FOXP1: variants seen among roughly 807,000 people sequenced by gnomAD.
FOXP1 encodes the protein forkhead box protein P1.
In FOXP1, 15 loss-of-function variants were observed where a neutral mutation model predicts 98.2. The observed-to-expected ratio is 0.15, with a 90% CI of 0.10 to 0.24. The LOEUF is 0.24. Ranked by LOEUF, FOXP1 falls within the 10% of genes least tolerant of loss-of-function variation. The pLI, the probability that FOXP1 is intolerant of heterozygous loss-of-function variation, is 1.00. For missense variants in FOXP1, 633 were observed against 848.5 expected, an observed-to-expected ratio of 0.75 and a Z score of 3.15; for synonymous variants, 371 against 314.5, an observed-to-expected ratio of 1.18 and a Z score of -1.90.
chr3:71,139,738 G>T (rs1469556595), intron 6 of FOXP1, among the ~76,000 whole-genome samples: 1 of 152,198 alleles, frequency 6.6e-6, no homozygotes, highest in Non-Finnish European at 1.5e-5. Context: ...CAACCAAGTG[G>T]AGACAGGGCT....
chr3:71,532,271 AT>A (rs2043917349), intron 2 of FOXP1, among the ~76,000 whole-genome samples: 1 of 151,998 alleles, frequency 6.6e-6, no homozygotes, highest in Non-Finnish European at 1.5e-5. Context: ...AAATTTTTGT[AT>A]TTTTTGTAGA....
rs149064360 is a variant in FOXP1 at position 70,955,429 on chromosome 3, G to A, written c.*3818C>T. 1.3e-3 allele frequency: 298 copies of A among 232,872 alleles called. No homozygotes were observed. Among genetic ancestry groups the A allele is most frequent in the Non-Finnish European group, 1.4e-3 (166 of 117,850 alleles). 14.4% of individuals were successfully genotyped at this position (232,872 alleles called of 1,614,324 possible). On this transcript the variant is annotated 3_prime_UTR_variant, in exon 21 of 21. Transcript: ENST00000649528. The stretch of plus-strand genomic sequence containing the variant: ...AGGGGCAGCCTAACTCATCTTACAA[G>A]ACGGACTCTAGGGACAGGTAGGTTG...
At chr3:71,544,774 T>C (rs1287180943) in intron 2 of FOXP1, among the ~76,000 whole-genome samples, 9 of 152,070 alleles carry the variant, frequency 5.9e-5, no homozygotes, top group African/African-American at 1.2e-4. Context: ...TGTTGTAAGT[T>C]ACCATATGAT....
Position 71,166,284 on chromosome 3 carries a change from T to TG in FOXP1, c.180+31917dup, listed in dbSNP as rs529959549. ...AGTACATGAGAGGAACACAAGCAAG[T>TG]GGGGGGTGACAAGAGCCGCTAGCGT... On this transcript the variant is annotated intron_variant, in intron 6 of 20. Transcript: ENST00000649528. 7.9e-5 allele frequency among the ~76,000 whole-genome samples: 12 copies of TG among 152,140 alleles called. No homozygotes were observed. The South Asian group carries it at 1.5e-3, about 18-fold the overall frequency.
chr3:71,093,021 G>A (rs917330388), intron 7 of FOXP1, among the ~76,000 whole-genome samples: 1 of 152,164 alleles, frequency 6.6e-6, no homozygotes, highest in Non-Finnish European at 1.5e-5. Flanking sequence ...AGCCCTTTGG[G>A]AGGCCAAGGC....
At position 71,216,029 on chromosome 3, in the gene FOXP1, A is replaced by G. The variant is rs186431131; in HGVS notation, c.-11-17637T>C. On this transcript the variant is annotated intron_variant, in intron 5 of 20. Transcript: ENST00000649528. The stretch of plus-strand genomic sequence containing the variant: ...GCATCCTGCACCTTATACTGTGGAT[A>G]CAAGTGGTTGATTATTAGTGCACCT... Among the ~76,000 whole-genome samples, 22 of 152,368 alleles carry G rather than the reference A, an allele frequency of 1.4e-4. No homozygotes were observed. In the East Asian group the frequency reaches 4.2e-3, roughly 29 times the overall value.
chr3:71,472,108 C>T (rs1048096064), intron 3 of FOXP1, among the ~76,000 whole-genome samples: 1 of 152,160 alleles, frequency 6.6e-6, no homozygotes, highest in African/African-American at 2.4e-5. Flanking sequence ...TTGTGTGCTT[C>T]ATTGCCTTTA....
At chr3:71,218,210 G>A (rs771945977) in intron 5 of FOXP1, among the ~76,000 whole-genome samples, 16 of 152,108 alleles carry the variant, frequency 1.1e-4, no homozygotes, top group Non-Finnish European at 1.9e-4. Context: ...CAAACTTTAG[G>A]AATTTAGAAT....
intron 5 of FOXP1, among the ~76,000 whole-genome samples, chr3:71,262,190 C>T (rs2686274): frequency 0.29 from 41,636 of 144,490 alleles, 6,428 homozygotes; most frequent in East Asian, 0.55. Context: ...TGCTTGAACC[C>T]AGGAGGTGGA....
chr3:71,476,509 G>A (rs756298283), intron 3 of FOXP1, among the ~76,000 whole-genome samples: 14 of 151,972 alleles, frequency 9.2e-5, no homozygotes, highest in African/African-American at 3.1e-4. Flanking sequence ...ATGAGTCCTC[G>A]GGTTATGGGT....
chr3:71,246,632 A>G (rs2067769574), intron 5 of FOXP1, among the ~76,000 whole-genome samples: 1 of 152,168 alleles, frequency 6.6e-6, no homozygotes, highest in South Asian at 2.1e-4. Context: ...ATGAAATTAA[A>G]TCTCCTATGC....
intron 4 of FOXP1, among the ~76,000 whole-genome samples, chr3:71,343,281 TA>T (rs2077118972): frequency 6.6e-6 from 1 of 152,224 alleles, no homozygotes; most frequent in Admixed American, 6.5e-5. Context: ...AAAGGAAATG[TA>T]ATTCAAAATT....
At chr3:70,981,374 A>G (rs1013726107) in intron 14 of FOXP1, among the ~76,000 whole-genome samples, 1 of 152,100 alleles carries the variant, frequency 6.6e-6, no homozygotes, top group Non-Finnish European at 1.5e-5. Context: ...GACAAATGAC[A>G]CCGTGATTCA....
At position 71,151,351 on chromosome 3, in the gene FOXP1, A is replaced by C. The variant is rs567624517; in HGVS notation, c.181-38714T>G. ...CACTACGCGCGTCAGGATTTATATA[A>C]TAGGAACACTGCCTAGTTCAATGTG... On this transcript the variant is annotated intron_variant, in intron 6 of 20. Transcript: ENST00000649528. 4.6e-5 allele frequency among the ~76,000 whole-genome samples: 7 copies of C among 152,288 alleles called. No homozygotes were observed. The South Asian group carries it at 1.0e-3, about 23-fold the overall frequency.
chr3:70,956,187 C>G lies in FOXP1; in HGVS notation c.*3060G>C. On this transcript the variant is annotated 3_prime_UTR_variant, in exon 21 of 21. Coordinates refer to ENST00000649528, the MANE Select transcript of FOXP1 (RefSeq NM_001349338.3). ...CAATATCTAAAAAAAGAACCGCCCT[C>G]TGCCCTCCCCCAAAAAAGACAAAGA... is the stretch of plus-strand genomic sequence containing the variant. 4.3e-6 allele frequency: 1 copy of G among 233,414 alleles called. No individual in the cohort carries two copies. Among genetic ancestry groups the G allele is most frequent in the East Asian group, 6.0e-5 (1 of 16,554 alleles). The allele number at this position is 233,414 out of a possible 1,614,324, so 14.5% of individuals were successfully genotyped here.
At chr3:71,460,401 C>T (rs759813474) in intron 3 of FOXP1, among the ~76,000 whole-genome samples, 29 of 151,502 alleles carry the variant, frequency 1.9e-4, no homozygotes, top group African/African-American at 7.0e-4. Flanking sequence ...CACCATGCCC[C>T]GCTAATTTTT....
chr3:71,494,925 A>G (rs1000915428), intron 2 of FOXP1, among the ~76,000 whole-genome samples: 1 of 152,064 alleles, frequency 6.6e-6, no homozygotes, highest in Non-Finnish European at 1.5e-5. Flanking sequence ...TAGAAAAAAA[A>G]AAAAAGAAAA....
At chr3:71,288,951 A>G (rs571025700) in intron 5 of FOXP1, among the ~76,000 whole-genome samples, 1 of 152,298 alleles carries the variant, frequency 6.6e-6, no homozygotes, top group Non-Finnish European at 1.5e-5. Flanking sequence ...GACAAATCCA[A>G]TGGTCAGTTC....
chr3:71,174,785 T>TACACACACACACACACACACAC (rs3064896), intron 6 of FOXP1, among the ~76,000 whole-genome samples: 57 of 131,674 alleles, frequency 4.3e-4, no homozygotes, highest in Non-Finnish European at 8.4e-4. Context: ...TGCACATGCA[T>TACACACACACACACACACACAC]ACACACACAC....
Sources: allele counts gnomAD v4.1 joint callset (sites outside exome capture counted in the v4.1 genomes callset), GRCh38; gene constraint gnomAD v4.1.1; transcripts MANE v1.5; gene names NCBI Gene and HGNC (gene_info 2026-07-23, HGNC 2026-07-21).